CCDC3: variants seen among roughly 807,000 people sequenced by gnomAD.
CCDC3 encodes the protein coiled-coil domain containing 3, also known as coiled-coil domain-containing protein 3.
A neutral mutation model predicts 21.4 loss-of-function variants in CCDC3; 24 were observed. The ratio of observed to expected loss-of-function variants is 1.12; its 90% CI spans 0.81 to 1.58. The LOEUF is 1.58. Ranked by LOEUF, CCDC3 falls within the 40% of genes most tolerant of loss-of-function variation. CCDC3 has a pLI of 0.00. For missense variants in CCDC3, 425 were observed against 360.9 expected, an observed-to-expected ratio of 1.18 and a Z score of -1.44; for synonymous variants, 186 against 166.0, an observed-to-expected ratio of 1.12 and a Z score of -0.93.
intron 3 of CCDC3, among the ~76,000 whole-genome samples, chr10:13,084,730 A>G (rs1837081825): frequency 6.6e-6 from 1 of 152,128 alleles, no homozygotes; most frequent in Admixed American, 6.5e-5. Flanking sequence ...TGATTTTGAG[A>G]TGCCCAGAAA....
At chr10:13,075,358 T>A (rs1836950032) in intron 3 of CCDC3, among the ~76,000 whole-genome samples, 1 of 152,236 alleles carries the variant, frequency 6.6e-6, no homozygotes. Context: ...TTTCTTTGGC[T>A]TTTAAACGAA....
At chr10:12,995,848 A>G (rs989691799) in intron 2 of CCDC3, among the ~76,000 whole-genome samples, 9 of 152,254 alleles carry the variant, frequency 5.9e-5, no homozygotes, top group African/African-American at 2.2e-4. Context: ...TCAGGCTGAA[A>G]CAATTCTCCA....
intron 3 of CCDC3, among the ~76,000 whole-genome samples, chr10:13,090,091 C>CTTTT (rs1231936142): frequency 2.8e-5 from 3 of 106,434 alleles, no homozygotes; most frequent in East Asian, 2.9e-4. Context: ...CCGTTTCTTT[C>CTTTT]TTTTTTTTTT....
chr10:13,091,815 C>CAAAA, intron 3 of CCDC3, among the ~76,000 whole-genome samples: 1 of 98,460 alleles, frequency 1.0e-5, no homozygotes, highest in Non-Finnish European at 2.0e-5. Flanking sequence ...GAGAAAAGCC[C>CAAAA]AATCCAAAAA....
chr10:13,099,758 G>C (rs1256683586), upstream of CCDC3: 2 of 152,054 alleles, frequency 1.3e-5, no homozygotes. Context: ...AGGATGCCTG[G>C]CATTCTCCTC....
chr10:13,074,128 A>AATATATATATAT, intron 3 of CCDC3: 1 of 103,290 alleles, frequency 9.7e-6, no homozygotes, highest in African/African-American at 3.9e-5. Flanking sequence ...AGAGGAATCA[A>AATATATATATAT]ATATATATAT....
In CCDC3 at chr10:13,009,130, C is replaced by A. The variant is rs529381055; in HGVS notation, c.-1-10618G>T. Among the ~76,000 whole-genome samples, 52 of 152,154 alleles carry A rather than the reference C, an allele frequency of 3.4e-4. 1 individual carries two copies. The highest frequency in any genetic ancestry group is 1.3e-3 in the African/African-American group (52 of 41,536). ...TCAATTGTATTCTCTTTACTAACAA[C>A]AATTGGAAATTGACATTTTTAAAAA... On this transcript the variant is annotated intron_variant, in intron 5 of 6. Coordinates refer to the CCDC3 transcript ENST00000378839.
At chr10:12,927,507 CTT>C (rs907035785) in intron 2 of CCDC3, among the ~76,000 whole-genome samples, 1 of 152,140 alleles carries the variant, frequency 6.6e-6, no homozygotes, top group African/African-American at 2.4e-5. Context: ...GCTCTAGTCT[CTT>C]TTACAATATT....
chr10:13,035,136 A>G (rs1016839756), intron 5 of CCDC3, among the ~76,000 whole-genome samples: 2 of 152,166 alleles, frequency 1.3e-5, no homozygotes, highest in African/African-American at 4.8e-5. Context: ...CAGGTAGAGA[A>G]CACTGATCTC....
chr10:13,077,572 C>T (rs1362429878), intron 3 of CCDC3, among the ~76,000 whole-genome samples: 1 of 152,150 alleles, frequency 6.6e-6, no homozygotes, highest in African/African-American at 2.4e-5. Flanking sequence ...GCCAAAAGAA[C>T]AAAGCTGGAG....
intron 5 of CCDC3, among the ~76,000 whole-genome samples, chr10:13,032,175 G>A (rs1348219195): frequency 1.9e-5 from 1 of 53,012 alleles, no homozygotes; most frequent in South Asian, 5.3e-4. Context: ...TGGGATGCAA[G>A]GCTGGTTGAA....
chr10:13,026,819 A>G (rs1836223457), intron 5 of CCDC3, among the ~76,000 whole-genome samples: 1 of 152,202 alleles, frequency 6.6e-6, no homozygotes, highest in Non-Finnish European at 1.5e-5. Context: ...TATAACAAGT[A>G]CTGTAAGTAA....
chr10:12,936,277 T>C (rs945159002), intron 2 of CCDC3, among the ~76,000 whole-genome samples: 6 of 152,238 alleles, frequency 3.9e-5, no homozygotes, highest in Non-Finnish European at 7.3e-5. Context: ...TTTTCTCCTC[T>C]ATTCTTGCTT....
intron 4 of CCDC3, among the ~76,000 whole-genome samples, chr10:13,055,349 G>T (rs11258162): frequency 0.13 from 19,108 of 143,636 alleles, 1,415 homozygotes; most frequent in African/African-American, 0.22. Context: ...TTTTTTTTTT[G>T]TAGACAGGGT....
chr10:13,053,865 C>T (rs930364483), intron 4 of CCDC3, among the ~76,000 whole-genome samples: 29 of 152,064 alleles, frequency 1.9e-4, no homozygotes, highest in African/African-American at 5.8e-4. Flanking sequence ...GAGCCATGCA[C>T]GTTAAGAATG....
chr10:13,096,399 G>A (rs1832629629), intron 3 of CCDC3, among the ~76,000 whole-genome samples: 1 of 152,124 alleles, frequency 6.6e-6, no homozygotes, highest in African/African-American at 2.4e-5. Flanking sequence ...TAGCCAGGCT[G>A]GTCTTGAACT....
At chr10:12,984,766 CATT>C (rs1835561671) in intron 2 of CCDC3, among the ~76,000 whole-genome samples, 1 of 152,130 alleles carries the variant, frequency 6.6e-6, no homozygotes, top group South Asian at 2.1e-4. Context: ...AGCTTGAAAA[CATT>C]ATGCTAAGTG....
upstream of CCDC3, among the ~76,000 whole-genome samples, chr10:13,006,486 G>T (rs1001667831): frequency 5.3e-5 from 8 of 152,172 alleles, no homozygotes; most frequent in African/African-American, 1.9e-4. Context: ...GATAACTATC[G>T]CCACTTCTTT....
intron 3 of CCDC3, among the ~76,000 whole-genome samples, chr10:13,079,928 A>AT (rs1243071182): frequency 2.0e-5 from 3 of 152,336 alleles, no homozygotes; most frequent in Admixed American, 1.3e-4. Context: ...AAAAAAAGAA[A>AT]GGGAACTCAA....
Sources: allele counts gnomAD v4.1 joint callset (sites outside exome capture counted in the v4.1 genomes callset), GRCh38; gene constraint gnomAD v4.1.1; transcripts MANE v1.5; gene names NCBI Gene and HGNC (gene_info 2026-07-23, HGNC 2026-07-21).